Variants in GABRB2 observed in about 807,000 individuals in gnomAD.
The protein encoded by GABRB2 is gamma-aminobutyric acid type A receptor subunit beta2.
In GABRB2, 16 loss-of-function variants were observed where a neutral mutation model predicts 54.7. The observed-to-expected ratio is 0.29, with a 90% confidence interval of 0.20 to 0.44. The LOEUF (loss-of-function observed/expected upper bound fraction) is 0.44. GABRB2 is among the 20% of genes least tolerant of loss of function. The pLI is 1.00. For missense variants in GABRB2, 355 were observed against 644.0 expected (o/e 0.55, Z 4.86); for synonymous variants, 244 against 233.8 (o/e 1.04, Z -0.40).
At chr5:161,373,351 G>C (rs1755186315) in intron 5 of GABRB2, among the ~76,000 whole-genome samples, 1 of 152,040 alleles carries the variant, frequency 6.6e-6, no homozygotes, top group Non-Finnish European at 1.5e-5. Flanking sequence ...ATCAAATTCA[G>C]TACACTCATA....
intron 5 of GABRB2, among the ~76,000 whole-genome samples, chr5:161,407,912 GA>G (rs987898130): frequency 8.6e-5 from 13 of 151,846 alleles, no homozygotes; most frequent in African/African-American, 3.1e-4. Context: ...AGAATTCTAT[GA>G]AACACCCCCC....
At chr5:161,318,640 T>C (rs1161973899) in intron 9 of GABRB2, among the ~76,000 whole-genome samples, 1 of 152,044 alleles carries the variant, frequency 6.6e-6, no homozygotes, top group African/African-American at 2.4e-5. Context: ...ACAAAAATTC[T>C]TCTCTAAAAT....
intron 4 of GABRB2, among the ~76,000 whole-genome samples, chr5:161,430,749 G>T (rs116157310): frequency 6.6e-6 from 1 of 152,066 alleles, no homozygotes; most frequent in Non-Finnish European, 1.5e-5. Flanking sequence ...ATGTTCAAGC[G>T]CCCTGGGAAG....
chr5:161,342,675 T>C (rs972176025), intron 5 of GABRB2, among the ~76,000 whole-genome samples: 2 of 152,066 alleles, frequency 1.3e-5, no homozygotes, highest in Non-Finnish European at 2.9e-5. Context: ...TTCACACATT[T>C]TAGGGAAGCC....
intron 4 of GABRB2, among the ~76,000 whole-genome samples, chr5:161,421,134 G>A (rs557215989): frequency 1.3e-5 from 2 of 152,250 alleles, no homozygotes; most frequent in South Asian, 4.1e-4. Flanking sequence ...TTGCTTAATT[G>A]CTATTTTCTA....
intron 5 of GABRB2, among the ~76,000 whole-genome samples, chr5:161,337,260 A>C (rs1192494706): frequency 6.6e-6 from 1 of 152,190 alleles, no homozygotes; most frequent in Non-Finnish European, 1.5e-5. Flanking sequence ...TTCTCCCCCA[A>C]TATAAAATAT....
At chr5:161,520,904 A>G (rs1201742198) in intron 3 of GABRB2, among the ~76,000 whole-genome samples, 1 of 152,048 alleles carries the variant, frequency 6.6e-6, no homozygotes, top group Non-Finnish European at 1.5e-5. Context: ...ACATCTTGCC[A>G]ACAATCAATA....
At chr5:161,409,545 T>A (rs1373051473) in intron 5 of GABRB2, among the ~76,000 whole-genome samples, 4 of 152,106 alleles carry the variant, frequency 2.6e-5, no homozygotes, top group African/African-American at 9.7e-5. Context: ...TACCTACAAC[T>A]GTGATTATTT....
intron 3 of GABRB2, among the ~76,000 whole-genome samples, chr5:161,484,375 G>A (rs1344556984): frequency 6.6e-6 from 1 of 151,836 alleles, no homozygotes; most frequent in Non-Finnish European, 1.5e-5. Flanking sequence ...TCTCCAGGGT[G>A]CCCTAGACAC....
intron 3 of GABRB2, among the ~76,000 whole-genome samples, chr5:161,509,840 A>C (rs1759712611): frequency 6.6e-6 from 1 of 151,986 alleles, no homozygotes; most frequent in Non-Finnish European, 1.5e-5. Context: ...GCCTCTTGAA[A>C]TAGTTCCTTA....
intron 9 of GABRB2, among the ~76,000 whole-genome samples, chr5:161,325,851 G>A (rs1270206362): frequency 6.6e-6 from 1 of 151,990 alleles, no homozygotes; most frequent in Admixed American, 6.5e-5. Flanking sequence ...TCATAATAAT[G>A]ATGAGCCTGC....
chr5:161,473,031 A>T (rs1401233363), intron 3 of GABRB2, among the ~76,000 whole-genome samples: 1 of 151,984 alleles, frequency 6.6e-6, no homozygotes, highest in Non-Finnish European at 1.5e-5. Context: ...AATTAGCAAC[A>T]CTCACACAGC....
At chr5:161,507,952 A>G (rs1759658479) in intron 3 of GABRB2, among the ~76,000 whole-genome samples, 1 of 151,898 alleles carries the variant, frequency 6.6e-6, no homozygotes, top group Non-Finnish European at 1.5e-5. Context: ...AGAATCTTAT[A>G]AAGTTAAACA....
intron 9 of GABRB2, among the ~76,000 whole-genome samples, chr5:161,324,804 A>C (rs1397810147): frequency 1.3e-5 from 2 of 152,116 alleles, no homozygotes; most frequent in Non-Finnish European, 2.9e-5. Context: ...TATAAAAACA[A>C]AAGACGTTAG....
chr5:161,341,997 G>T (rs1754181899), intron 5 of GABRB2, among the ~76,000 whole-genome samples: 1 of 129,116 alleles, frequency 7.7e-6, no homozygotes, highest in Non-Finnish European at 1.6e-5. Flanking sequence ...TTTTCTAGTG[G>T]GAAATTAAGG....
chr5:161,296,914 C>A (rs565317237), intron 9 of GABRB2, among the ~76,000 whole-genome samples: 1 of 152,200 alleles, frequency 6.6e-6, no homozygotes, highest in South Asian at 2.1e-4. Flanking sequence ...TTCGGGAAGA[C>A]TAACTGAAAT....
intron 4 of GABRB2, among the ~76,000 whole-genome samples, chr5:161,413,833 A>T (rs1756589400): frequency 6.6e-6 from 1 of 152,184 alleles, no homozygotes; most frequent in South Asian, 2.1e-4. Flanking sequence ...CAAGTATAGA[A>T]GCCTTGATTG....
At chr5:161,469,466 A>G (rs1758372524) in intron 3 of GABRB2, among the ~76,000 whole-genome samples, 1 of 151,832 alleles carries the variant, frequency 6.6e-6, no homozygotes, top group African/African-American at 2.4e-5. Context: ...CGCTTAAGCC[A>G]TCATTGATCA....
At chr5:161,488,504 T>C (rs541871673) in intron 3 of GABRB2, among the ~76,000 whole-genome samples, 47 of 151,924 alleles carry the variant, frequency 3.1e-4, no homozygotes, top group African/African-American at 1.1e-3. Flanking sequence ...GCTAGAAAGA[T>C]ACTTATGAAA....
Sources: allele counts gnomAD v4.1 joint callset (sites outside exome capture counted in the v4.1 genomes callset), GRCh38; gene constraint gnomAD v4.1.1; transcripts MANE v1.5; gene names NCBI Gene and HGNC (gene_info 2026-07-23, HGNC 2026-07-21).